The following DOCK1 variants were observed in gnomAD, a reference collection of about 807,000 sequenced individuals.
DOCK1 encodes the protein dedicator of cytokinesis 1.
DOCK1 carries 138 observed loss-of-function variants against 262.7 expected under a neutral mutation model. The ratio of observed to expected loss-of-function variants is 0.53; its 90% CI spans 0.46 to 0.61. The LOEUF (loss-of-function observed/expected upper bound fraction) is 0.61. Ranked by LOEUF, DOCK1 falls within the 20% of genes least tolerant of loss-of-function variation. The pLI is 0.00. For missense variants in DOCK1, 1,908 were observed against 2,370.7 expected (o/e 0.80, Z 4.05); for synonymous variants, 866 against 867.4 (o/e 1.00, Z 0.03).
At chr10:127,201,546 T>G (rs749000062) in intron 27 of DOCK1, among the ~76,000 whole-genome samples, 38 of 152,340 alleles carry the variant, frequency 2.5e-4, no homozygotes, top group Non-Finnish European at 4.4e-4. Context: ...TGAATCTGAT[T>G]TATCCACAGA....
chr10:126,993,509 G>A (rs2039960990), intron 6 of DOCK1, among the ~76,000 whole-genome samples: 1 of 152,216 alleles, frequency 6.6e-6, no homozygotes, highest in African/African-American at 2.4e-5. Flanking sequence ...TCAGGGATAG[G>A]ATAAGGAGTA....
chr10:127,001,066 C>T (rs1591597958), intron 10 of DOCK1: 1 of 142,832 alleles, frequency 7.0e-6, no homozygotes, highest in Non-Finnish European at 1.5e-5. Context: ...TCTCATTTTT[C>T]ATAGTTTTGG....
chr10:127,016,888 A>ACAT (rs1419542324), intron 12 of DOCK1, among the ~76,000 whole-genome samples: 1 of 137,888 alleles, frequency 7.3e-6, no homozygotes, highest in East Asian at 2.1e-4. Flanking sequence ...ACAAACACAC[A>ACAT]GATGCAGACA....
At chr10:127,023,440 T>C (rs1247348141) in intron 14 of DOCK1, 116 bp downstream of exon 14, 2 of 1,403,052 alleles carry the variant, frequency 1.4e-6, no homozygotes, top group Admixed American at 4.6e-5. Context: ...TCCCGTTTCT[T>C]GGGATTGGCG....
At chr10:127,031,158 TTGG>T (rs769449901) in intron 16 of DOCK1, among the ~76,000 whole-genome samples, 3 of 152,224 alleles carry the variant, frequency 2.0e-5, no homozygotes, top group Non-Finnish European at 2.9e-5. Context: ...CGCAGTTTCC[TTGG>T]TGGAATGGTC....
chr10:127,441,051 G>T (rs1205456902), intron 49 of DOCK1, among the ~76,000 whole-genome samples: 1 of 152,258 alleles, frequency 6.6e-6, no homozygotes, highest in Non-Finnish European at 1.5e-5. Flanking sequence ...ATTACTTAGT[G>T]CCAGACACTG....
At chr10:126,991,654 C>T (rs934615314) in intron 6 of DOCK1, among the ~76,000 whole-genome samples, 3 of 152,008 alleles carry the variant, frequency 2.0e-5, no homozygotes, top group African/African-American at 4.8e-5. Flanking sequence ...TTCAGCCTCC[C>T]GAATAGCTGG....
intron 38 of DOCK1, among the ~76,000 whole-genome samples, chr10:127,400,999 TAG>T (rs2067191845): frequency 6.6e-6 from 1 of 152,172 alleles, no homozygotes; most frequent in African/African-American, 2.4e-5. Context: ...TTCACTATCG[TAG>T]ATGAGCCTTT....
chr10:127,252,697 A>C (rs1465738243), intron 28 of DOCK1, among the ~76,000 whole-genome samples: 2 of 150,406 alleles, frequency 1.3e-5, no homozygotes, highest in Non-Finnish European at 3.0e-5. Context: ...AGGTAGTTGT[A>C]GATATGTGGT....
intron 23 of DOCK1, among the ~76,000 whole-genome samples, chr10:127,085,882 C>T (rs976623616): frequency 1.3e-5 from 2 of 152,178 alleles, no homozygotes; most frequent in Non-Finnish European, 2.9e-5. Context: ...CTTATTGTAT[C>T]ACAGTCCAGT....
intron 35 of DOCK1, among the ~76,000 whole-genome samples, chr10:127,375,478 G>A (rs1371939389): frequency 6.6e-6 from 1 of 152,250 alleles, no homozygotes; most frequent in African/African-American, 2.4e-5. Context: ...CACCCCTTGT[G>A]TGGACTTGTG....
intron 23 of DOCK1, among the ~76,000 whole-genome samples, chr10:127,102,049 G>T: frequency 6.6e-6 from 1 of 152,200 alleles, no homozygotes; most frequent in East Asian, 1.9e-4. Context: ...AGACGGTTGG[G>T]ATCTGGTGGG....
chr10:127,120,023 G>T (rs900285899), intron 25 of DOCK1, among the ~76,000 whole-genome samples: 14 of 152,208 alleles, frequency 9.2e-5, no homozygotes, highest in African/African-American at 3.4e-4. Flanking sequence ...AATCATTGTG[G>T]ATCACACTGG....
chr10:127,053,034 G>A (rs1479040246), intron 22 of DOCK1, among the ~76,000 whole-genome samples: 2 of 152,198 alleles, frequency 1.3e-5, no homozygotes, highest in Non-Finnish European at 2.9e-5. Context: ...CGGGAGCCCT[G>A]TTCCTGGTCT....
intron 35 of DOCK1, 55 bp from the exon 36 acceptor site, chr10:127,380,027 T>A: frequency 8.2e-7 from 1 of 1,219,048 alleles, no homozygotes; most frequent in Non-Finnish European, 1.2e-6. Flanking sequence ...ATTGTGCATG[T>A]GATACCTTTT....
intron 1 of DOCK1, among the ~76,000 whole-genome samples, chr10:126,970,182 G>A (rs12240532): frequency 0.06 from 9,152 of 152,166 alleles, 280 homozygotes; most frequent in Middle Eastern, 0.11. Context: ...CAAAATAGGA[G>A]CAGCTTTATG....
At chr10:127,214,622 A>C (rs1230457905) in intron 27 of DOCK1, among the ~76,000 whole-genome samples, 1 of 152,150 alleles carries the variant, frequency 6.6e-6, no homozygotes, top group Non-Finnish European at 1.5e-5. Context: ...AGTGTTTGCT[A>C]TTAGGACAGC....
At chr10:127,440,276 C>T (rs912866343) in intron 49 of DOCK1, among the ~76,000 whole-genome samples, 28 of 152,044 alleles carry the variant, frequency 1.8e-4, no homozygotes, top group African/African-American at 5.8e-4. Flanking sequence ...AAGCCCTTCA[C>T]GAGAGATCTG....
intron 27 of DOCK1, among the ~76,000 whole-genome samples, chr10:127,177,393 G>A (rs1017918388): frequency 1.3e-5 from 2 of 152,198 alleles, no homozygotes; most frequent in African/African-American, 2.4e-5. Context: ...TTTATTAGGC[G>A]GATTCACAGC....
Sources: gnomAD v4.1 joint callset for allele counts (sites outside exome capture counted in the v4.1 genomes callset) on GRCh38, gnomAD v4.1.1 for gene constraint, MANE v1.5 for transcripts, NCBI Gene and HGNC (gene_info 2026-07-23, HGNC 2026-07-21) for gene names.